CTNNA2: variants seen among roughly 807,000 people sequenced by gnomAD.
CTNNA2 encodes catenin alpha 2.
CTNNA2 carries 42 observed loss-of-function variants against 101.0 expected under a neutral mutation model. That is an observed-to-expected ratio of 0.42 (90% CI 0.32 to 0.54). The LOEUF (loss-of-function observed/expected upper bound fraction) is 0.54, where lower values mean the gene tolerates loss of function less well. Ranked by LOEUF, CTNNA2 falls within the 20% of genes least tolerant of loss-of-function variation. The probability of loss-of-function intolerance (pLI) is 0.14; values close to 1 mark genes in which losing one functional copy is unlikely to be tolerated. For synonymous variants in CTNNA2, 450 were observed against 456.4 expected, an observed-to-expected ratio of 0.99 and a Z score of 0.18; for missense variants, 871 against 1,223.1, an observed-to-expected ratio of 0.71 and a Z score of 4.29.
At chr2:79,814,638 C>CACACACATATAT (rs145584853) in intron 3 of CTNNA2, among the ~76,000 whole-genome samples, 5 of 146,960 alleles carry the variant, frequency 3.4e-5, no homozygotes, top group African/African-American at 1.3e-4. Context: ...CACACACACA[C>CACACACATATAT]ATATATATAT....
At chr2:80,336,253 G>A (rs1344818777) in intron 7 of CTNNA2, among the ~76,000 whole-genome samples, 1 of 152,086 alleles carries the variant, frequency 6.6e-6, no homozygotes, top group Non-Finnish European at 1.5e-5. Flanking sequence ...GGGTGAAGGG[G>A]GCAAAGCAGC....
At chr2:80,388,095 A>G (rs1405767610) in intron 7 of CTNNA2, among the ~76,000 whole-genome samples, 1 of 152,234 alleles carries the variant, frequency 6.6e-6, no homozygotes, top group Non-Finnish European at 1.5e-5. Flanking sequence ...TTTTACTGGT[A>G]GCCTTTGAAG....
intron 1 of CTNNA2, among the ~76,000 whole-genome samples, chr2:79,537,877 T>C (rs1402544871): frequency 6.6e-6 from 1 of 152,130 alleles, no homozygotes; most frequent in East Asian, 1.9e-4. Flanking sequence ...GTTTTGGACA[T>C]TTGGGTTTTA....
intron 7 of CTNNA2, among the ~76,000 whole-genome samples, chr2:79,959,644 T>C (rs1689495490): frequency 1.3e-5 from 2 of 152,260 alleles, no homozygotes; most frequent in Admixed American, 1.3e-4. Context: ...AATAGTGTCA[T>C]GAGGGTAACT....
chr2:80,647,470 C>CAATACTATTTATTTGCA (rs762798654), intron 18 of CTNNA2, 115 bp from the exon 19 acceptor site: 79 of 915,986 alleles, frequency 8.6e-5, no homozygotes, highest in Admixed American at 3.0e-4. Flanking sequence ...TCCTTTTCAG[C>CAATACTATTTATTTGCA]AATACTATTT....
rs544157788 is a variant in CTNNA2 at position 80,480,579 on chromosome 2, G to C, written c.1290+60978G>C. On this transcript the variant is annotated intron_variant, in intron 9 of 18. Transcript: ENST00000402739. ...GCCTATTGTGCGACCTGAACCTATT[G>C]ATGTAAAATTTTGTAATCTTAAATT... Among the ~76,000 whole-genome samples the C allele has an allele frequency of 6.6e-5, 10 of 152,140 alleles. No homozygotes were observed. The South Asian group carries it at 2.1e-3, about 32-fold the overall frequency.
chr2:80,539,827 C>CCCAGAT (rs1310086613), intron 9 of CTNNA2, among the ~76,000 whole-genome samples: 4 of 152,172 alleles, frequency 2.6e-5, no homozygotes, highest in African/African-American at 9.7e-5. Flanking sequence ...TTTCAGAAAT[C>CCCAGAT]CCAGATCAAT....
intron 3 of CTNNA2, among the ~76,000 whole-genome samples, chr2:79,352,933 A>C (rs886955117): frequency 1.3e-5 from 2 of 152,174 alleles, no homozygotes; most frequent in African/African-American, 4.8e-5. Context: ...TCCTATATTC[A>C]AATGGCCAGC....
chr2:79,251,187 G>GT (rs1414214017), intron 2 of CTNNA2, among the ~76,000 whole-genome samples: 4 of 152,152 alleles, frequency 2.6e-5, no homozygotes, highest in Non-Finnish European at 5.9e-5. Context: ...CAAGAGGAGT[G>GT]TTGAGATTTT....
At chr2:80,028,562 GC>G (rs1695087652) in intron 7 of CTNNA2, among the ~76,000 whole-genome samples, 1 of 152,162 alleles carries the variant, frequency 6.6e-6, no homozygotes, top group African/African-American at 2.4e-5. Flanking sequence ...CCTCAAATAT[GC>G]CCACATCTTA....
intron 2 of CTNNA2, among the ~76,000 whole-genome samples, chr2:79,218,333 G>GTT (rs1674294344): frequency 1.3e-5 from 1 of 77,978 alleles, no homozygotes; most frequent in African/African-American, 3.9e-5. Context: ...GTGTGTGTGT[G>GTT]TGTGTGTGTG....
chr2:79,509,469 C>G (rs1432015217), upstream of CTNNA2, among the ~76,000 whole-genome samples: 1 of 152,078 alleles, frequency 6.6e-6, no homozygotes, highest in African/African-American at 2.4e-5. Context: ...ATGGTGGAAT[C>G]TTACATGCAT....
At chr2:79,680,792 G>A (rs1683511057) in intron 2 of CTNNA2, among the ~76,000 whole-genome samples, 1 of 152,174 alleles carries the variant, frequency 6.6e-6, no homozygotes, top group African/African-American at 2.4e-5. Flanking sequence ...TCCTGCTAGT[G>A]CCAGGGAATC....
At chr2:79,468,579 C>A (rs1670963950) in intron 4 of CTNNA2, among the ~76,000 whole-genome samples, 1 of 152,176 alleles carries the variant, frequency 6.6e-6, no homozygotes, top group South Asian at 2.1e-4. Context: ...AATATATATT[C>A]TTCTCAGCAC....
At chr2:79,308,843 A>T in intron 2 of CTNNA2, among the ~76,000 whole-genome samples, 1 of 142,190 alleles carries the variant, frequency 7.0e-6, no homozygotes, top group African/African-American at 2.6e-5. Context: ...TCTATTGCAT[A>T]TTTTCTTCAA....
At chr2:80,591,473 T>C (rs1364668802) in intron 15 of CTNNA2, among the ~76,000 whole-genome samples, 5 of 146,888 alleles carry the variant, frequency 3.4e-5, no homozygotes, top group Admixed American at 1.4e-4. Flanking sequence ...TTTTTTTTTT[T>C]TTTTTGCAAA....
rs3770384 is a variant in CTNNA2 at position 80,646,799 on chromosome 2, G to A, written c.2575-786G>A. On this transcript the variant is annotated intron_variant, in intron 18 of 18. Transcript: ENST00000402739. ...TTTTAAAAGCCATCCTATCCAACAAGGTGACAGTACAGATGAGTAGTATCT... is the reference window on the plus strand; with the variant it reads ...TTTTAAAAGCCATCCTATCCAACAAAGTGACAGTACAGATGAGTAGTATCT... Among the ~76,000 whole-genome samples, 166 of 152,134 alleles carry A rather than the reference G, an allele frequency of 1.1e-3. 3 individuals carry two copies. In the East Asian group the frequency reaches 0.028, roughly 26 times the overall value.
chr2:80,289,780 A>G (rs974524197), intron 7 of CTNNA2, among the ~76,000 whole-genome samples: 1 of 152,190 alleles, frequency 6.6e-6, no homozygotes, highest in Admixed American at 6.5e-5. Flanking sequence ...AGACTGTGTT[A>G]TACGGTAGGG....
chr2:79,559,420 C>G (rs1243301459), intron 1 of CTNNA2, among the ~76,000 whole-genome samples: 2 of 151,882 alleles, frequency 1.3e-5, no homozygotes, highest in African/African-American at 4.8e-5. Context: ...CTGAGAACCA[C>G]TGATGAAAGT....
Sources: allele counts gnomAD v4.1 joint callset (sites outside exome capture counted in the v4.1 genomes callset), GRCh38; gene constraint gnomAD v4.1.1; transcripts MANE v1.5; gene names NCBI Gene and HGNC (gene_info 2026-07-23, HGNC 2026-07-21).